The following CLIP2 variants were observed in gnomAD, a reference collection of about 807,000 sequenced individuals.
The protein encoded by CLIP2 is CAP-Gly domain containing linker protein 2.
CLIP2 carries 41 observed loss-of-function variants against 111.7 expected under a neutral mutation model. The observed-to-expected ratio is 0.37, with a 90% confidence interval of 0.29 to 0.48. The LOEUF (loss-of-function observed/expected upper bound fraction) is 0.48, where lower values mean the gene tolerates loss of function less well. Among genes scored for constraint, CLIP2 ranks in the 20% least tolerant of loss-of-function variants. The pLI is 0.99. For missense variants in CLIP2, 1,160 were observed against 1,422.1 expected (o/e 0.82, Z 2.96); for synonymous variants, 660 against 644.2 (o/e 1.02, Z -0.37).
chr7:74,376,172 G>A lies in CLIP2; in HGVS notation c.1771G>A (p.Glu591Lys). The A allele has an allele frequency of 6.2e-7, 1 of 1,611,916 alleles. No homozygotes were observed. The highest frequency in any genetic ancestry group is 8.5e-7 in the Non-Finnish European group (1 of 1,179,070). ...LRAANEKYAQ[E>K]VAGLKDKVQQ... Reference sequence around the variant, plus strand: ...CGCGGCCAACGAGAAGTACGCACAGGAGGTGGCGGGCCTGAAGGACAAGGT... The same window carrying A: ...CGCGGCCAACGAGAAGTACGCACAGAAGGTGGCGGGCCTGAAGGACAAGGT... The change falls in exon 10 of 17, where the codon GAG becomes AAG. Residue 591 changes from glutamate to lysine, a missense_variant. Around this residue, in one of 5 missense-constraint regions of CLIP2, gnomAD observed 676 missense variants for 777.8 expected, o/e 0.87. Coordinates refer to ENST00000223398, the MANE Select transcript of CLIP2 (RefSeq NM_003388.5). This position sits in a 1 kb window ranked among gnomAD's most constrained non-coding sequence, Gnocchi z 7.1.
chr7:74,306,688 C>T (rs1318323991), intron 1 of CLIP2, among the ~76,000 whole-genome samples: 1 of 152,160 alleles, frequency 6.6e-6, no homozygotes, highest in South Asian at 2.1e-4. Flanking sequence ...GACTGTTGGT[C>T]TGAATGCCAC....
intron 3 of CLIP2, among the ~76,000 whole-genome samples, chr7:74,339,826 GC>G (rs1420987673): frequency 2.0e-5 from 3 of 152,064 alleles, no homozygotes; most frequent in African/African-American, 4.8e-5. Context: ...AGTGGTTCGT[GC>G]TTGTAATCTC....
rs781970516 is a variant in CLIP2 at position 74,353,912 on chromosome 7, C to T, written c.711C>T (p.Tyr237=). Residue 237 remains tyrosine (Y), a synonymous_variant, in exon 4 of 17, where the codon TAC becomes TAT. Transcript: ENST00000223398. ...VGGTKTGVVR[Y]VGETDFAKGE... ...GGACGAAGACTGGCGTGGTGCGGTA[C>T]GTGGGGGAGACAGACTTTGCCAAGG... The T allele has an allele frequency of 2.8e-5, 45 of 1,614,008 alleles. No individual in the cohort carries two copies. Among genetic ancestry groups the T allele is most frequent in the East Asian group, 6.7e-5 (3 of 44,892 alleles).
At chr7:74,375,715 C>T (rs1489917782) in intron 9 of CLIP2, among the ~76,000 whole-genome samples, 172 bp from the exon 10 acceptor site, 2 of 152,060 alleles carry the variant, frequency 1.3e-5, no homozygotes, top group Middle Eastern at 6.3e-3. Flanking sequence ...CAGGCCTCTA[C>T]ATCCAGCCAG....
chr7:74,395,404 G>A (rs1178637732), intron 13 of CLIP2, among the ~76,000 whole-genome samples: 1 of 151,984 alleles, frequency 6.6e-6, no homozygotes, highest in Admixed American at 6.6e-5. Flanking sequence ...TAATCTGCCC[G>A]CCTTGGCCTC....
At chr7:74,348,108 T>TA in intron 3 of CLIP2, among the ~76,000 whole-genome samples, 2 of 151,550 alleles carry the variant, frequency 1.3e-5, no homozygotes, top group East Asian at 3.9e-4. Context: ...AGGCAGAGGT[T>TA]ACAGTGAGCC....
chr7:74,384,643 G>GA (rs200367504), intron 11 of CLIP2, among the ~76,000 whole-genome samples: 2,444 of 151,540 alleles, frequency 0.016, 37 homozygotes, highest in Non-Finnish European at 0.028. Context: ...ACAGGGTTTC[G>GA]CAATGTTGGC....
intron 2 of CLIP2, among the ~76,000 whole-genome samples, chr7:74,329,988 A>G (rs1789230122): frequency 6.6e-6 from 1 of 152,026 alleles, no homozygotes; most frequent in Non-Finnish European, 1.5e-5. Flanking sequence ...CATGTTGGTC[A>G]GGCTGGTCTC....
chr7:74,353,189 C>T (rs1790056226), intron 3 of CLIP2, among the ~76,000 whole-genome samples: 1 of 151,054 alleles, frequency 6.6e-6, no homozygotes, highest in African/African-American at 2.4e-5. Context: ...TTAGGGTTAC[C>T]ATTTATTGAA....
intron 7 of CLIP2, among the ~76,000 whole-genome samples, chr7:74,362,846 G>A (rs569203996): frequency 6.6e-6 from 1 of 152,074 alleles, no homozygotes; most frequent in African/African-American, 2.4e-5. Flanking sequence ...CAAACACAAG[G>A]CATCATGGAG....
In CLIP2 at chr7:74,338,632, G is replaced by A. The variant is rs1554732633; in HGVS notation, c.306G>A (p.Gln102=). The change falls in exon 3 of 17, where the codon CAG becomes CAA. Residue 102 remains glutamine (Q), a synonymous_variant. Transcript: ENST00000223398. The surrounding 1 kb of genome is among the most constrained non-coding windows in gnomAD (Gnocchi z 4.3). ...TGGTGCAGTATCTGGGAGAGACGCAGTTCGCACCGGGCCAGTGGGCTGGCG... is the reference window on the plus strand; with the variant it reads ...TGGTGCAGTATCTGGGAGAGACGCAATTCGCACCGGGCCAGTGGGCTGGCG... ...PGVVQYLGET[Q]FAPGQWAGVV... The A allele has an allele frequency of 1.3e-6, 2 of 1,564,350 alleles. No individual in the cohort carries two copies. The highest frequency in any genetic ancestry group is 8.6e-7 in the Non-Finnish European group (1 of 1,156,652).
intron 14 of CLIP2, 122 bp downstream of exon 14, chr7:74,397,355 T>C: frequency 9.3e-7 from 1 of 1,079,260 alleles, no homozygotes; most frequent in Non-Finnish European, 1.3e-6. Flanking sequence ...AGCTGAGTCA[T>C]GGTGAGGATT....
At chr7:74,377,310 C>T (rs966333646) in intron 10 of CLIP2, among the ~76,000 whole-genome samples, 24 of 152,232 alleles carry the variant, frequency 1.6e-4, no homozygotes, top group Admixed American at 9.2e-4. Context: ...ACTTTAGCAA[C>T]GGTGCCAACG....
At chr7:74,356,674 T>A in intron 5 of CLIP2, 51 bp downstream of exon 5, 1 of 1,526,724 alleles carries the variant, frequency 6.5e-7, no homozygotes, top group Non-Finnish European at 8.9e-7. Flanking sequence ...TTGGGAGGGG[T>A]GAGGATGTAA....
rs1789533030 is a variant in CLIP2 at position 74,338,214 on chromosome 7, AAC to A, written c.122-232_122-231del. On this transcript the variant is annotated intron_variant, in intron 2 of 16. Coordinates refer to ENST00000223398, the MANE Select transcript of CLIP2 (RefSeq NM_003388.5). This position sits in a 1 kb window ranked among gnomAD's most constrained non-coding sequence, Gnocchi z 4.3. ...AAGACCCTGTCTCAAAAAGTAAATA[AAC>A]AGGGGTTGGGTGTGGTGCCTCACGC... is the stretch of plus-strand genomic sequence containing the variant. Among the ~76,000 whole-genome samples, 2 of 86,920 alleles carry A rather than the reference AAC, an allele frequency of 2.3e-5. No individual in the cohort carries two copies. The highest frequency in any genetic ancestry group is 3.4e-5 in the Non-Finnish European group (1 of 29,750). The allele number at this position is 86,920 out of a possible 152,430, so 57.0% of individuals were successfully genotyped here.
At chr7:74,379,197 C>T (rs1323041243) in intron 10 of CLIP2, among the ~76,000 whole-genome samples, 1 of 152,076 alleles carries the variant, frequency 6.6e-6, no homozygotes, top group Admixed American at 6.6e-5. Flanking sequence ...GGCGCGGTGG[C>T]TCACACCTGT....
intron 10 of CLIP2, among the ~76,000 whole-genome samples, chr7:74,377,289 G>C (rs1554313171): frequency 6.6e-6 from 1 of 152,232 alleles, no homozygotes; most frequent in East Asian, 1.9e-4. Flanking sequence ...CTTTCTGCCA[G>C]TCCTAATGAG....
chr7:74,371,401 A>T (rs1263534877), intron 8 of CLIP2, among the ~76,000 whole-genome samples: 3 of 151,766 alleles, frequency 2.0e-5, no homozygotes, highest in Non-Finnish European at 4.4e-5. Flanking sequence ...AGGGTTCCAG[A>T]CAGGGCTGTT....
chr7:74,399,622 C>T, intron 14 of CLIP2, among the ~76,000 whole-genome samples: 1 of 151,614 alleles, frequency 6.6e-6, no homozygotes, highest in Admixed American at 6.6e-5. Flanking sequence ...TCACTGCAAC[C>T]TCCACCTCCC....
Sources: allele counts gnomAD v4.1 joint callset (sites outside exome capture counted in the v4.1 genomes callset), GRCh38; gene constraint gnomAD v4.1.1; regional missense constraint gnomAD v4.1.1; non-coding constraint Gnocchi (gnomAD v3.1); transcripts MANE v1.5; gene names NCBI Gene and HGNC (gene_info 2026-07-23, HGNC 2026-07-21).